The following STAC variants were observed in gnomAD, a reference collection of about 807,000 sequenced individuals.
The protein encoded by STAC is SH3 and cysteine rich domain.
In STAC, 43 loss-of-function variants were observed where a neutral mutation model predicts 48.8. That is an observed-to-expected ratio of 0.88 (90% CI 0.69 to 1.14). The LOEUF (loss-of-function observed/expected upper bound fraction) is 1.14. Among genes scored for constraint, STAC ranks in the 50% most tolerant of loss-of-function variants. The pLI is 0.00. For synonymous variants in STAC, 193 were observed against 179.5 expected, an observed-to-expected ratio of 1.07 and a Z score of -0.60; for missense variants, 497 against 504.0, an observed-to-expected ratio of 0.99 and a Z score of 0.13.
chr3:36,429,979 G>A (rs2125652113), intron 1 of STAC, among the ~76,000 whole-genome samples: 1 of 152,292 alleles, frequency 6.6e-6, no homozygotes, highest in Non-Finnish European at 1.5e-5. Context: ...AGGGAGATTA[G>A]CCTTGGTTAC....
At chr3:36,450,251 A>G (rs1223434056) in intron 2 of STAC, among the ~76,000 whole-genome samples, 2 of 152,262 alleles carry the variant, frequency 1.3e-5, no homozygotes, top group African/African-American at 4.8e-5. Context: ...AATGGGAAAA[A>G]AAATAGTTTG....
At chr3:36,421,304 T>G (rs1296849609) in intron 1 of STAC, among the ~76,000 whole-genome samples, 1 of 152,222 alleles carries the variant, frequency 6.6e-6, no homozygotes, top group African/African-American at 2.4e-5. Context: ...ATGAACTTAT[T>G]TAATTGTATA....
Position 36,393,186 on chromosome 3 carries a change from T to A in STAC, c.111+12432T>A, listed in dbSNP as rs532308729. On this transcript the variant is annotated intron_variant, in intron 1 of 10. Coordinates refer to ENST00000273183, the MANE Select transcript of STAC (RefSeq NM_003149.3). ...ACACCAGAGCATAAAATCCATTAAA[T>A]CAGTGAATTTACCCTCCTTTCATTA... Among the ~76,000 whole-genome samples, 34 of 152,278 alleles carry A rather than the reference T, an allele frequency of 2.2e-4. No individual in the cohort carries two copies. In the East Asian group the frequency reaches 4.3e-3, roughly 19 times the overall value.
chr3:36,420,269 T>C (rs1430117863), intron 1 of STAC, among the ~76,000 whole-genome samples: 1 of 152,234 alleles, frequency 6.6e-6, no homozygotes, highest in Non-Finnish European at 1.5e-5. Context: ...AAGACTCAAA[T>C]GCTAGTGTAA....
intron 1 of STAC, among the ~76,000 whole-genome samples, chr3:36,415,880 A>G (rs4678874): frequency 0.23 from 34,921 of 152,116 alleles, 4,233 homozygotes; most frequent in Admixed American, 0.25. Context: ...TCTGTTTCGG[A>G]GTTCTATGTT....
intron 10 of STAC, among the ~76,000 whole-genome samples, chr3:36,535,638 G>A (rs576197257): frequency 1.2e-4 from 18 of 152,282 alleles, no homozygotes; most frequent in Admixed American, 9.2e-4. Flanking sequence ...TTTGAGGTAC[G>A]TTCCTTCAAT....
intron 8 of STAC, among the ~76,000 whole-genome samples, chr3:36,514,973 G>A (rs559549492): frequency 7.9e-5 from 12 of 152,062 alleles, no homozygotes; most frequent in Non-Finnish European, 1.3e-4. Flanking sequence ...GGGAGGTGGA[G>A]GTTGCAGTGA....
At position 36,468,895 on chromosome 3, in the gene STAC, T is replaced by C. The variant is rs188255595; in HGVS notation, c.389-14097T>C. On this transcript the variant is annotated intron_variant, in intron 2 of 10. Transcript: ENST00000273183. The stretch of plus-strand genomic sequence containing the variant: ...GCTTTAAAGTTTGTTTTGTCTTATG[T>C]AAGAATAGCTACTCTTGCTCACTTT... 4.9e-4 allele frequency among the ~76,000 whole-genome samples: 74 copies of C among 152,038 alleles called. 1 individual carries two copies. Among genetic ancestry groups the C allele is most frequent in the African/African-American group, 1.7e-3 (71 of 41,502 alleles).
chr3:36,447,649 C>CCACACA lies in STAC; in HGVS notation c.388+4040_388+4045dup, dbSNP rs3061960. Among the ~76,000 whole-genome samples the CCACACA allele has an allele frequency of 5.3e-3, 780 of 146,410 alleles. 3 individuals carry two copies. Among genetic ancestry groups the CCACACA allele is most frequent in the African/African-American group, 0.012 (469 of 39,982 alleles). ...GAAAAACTATATATATGTATACACA[C>CCACACA]CACACACACACACACACACACACAC... On this transcript the variant is annotated intron_variant, in intron 2 of 10. Transcript: ENST00000273183.
At chr3:36,438,514 G>A (rs758206254) in intron 1 of STAC, among the ~76,000 whole-genome samples, 5 of 152,182 alleles carry the variant, frequency 3.3e-5, no homozygotes, top group Non-Finnish European at 5.9e-5. Context: ...GGGATAATTA[G>A]AGAAAGCATG....
At chr3:36,401,300 C>T (rs930577715) in intron 1 of STAC, among the ~76,000 whole-genome samples, 9 of 152,192 alleles carry the variant, frequency 5.9e-5, no homozygotes, top group African/African-American at 2.2e-4. Flanking sequence ...TGTTCATCCA[C>T]AGCATGAGCC....
chr3:36,504,343 T>C, intron 6 of STAC, 50 bp from the exon 7 acceptor site: 2 of 1,514,120 alleles, frequency 1.3e-6, no homozygotes, highest in Non-Finnish European at 1.8e-6. Flanking sequence ...AATATTTGTT[T>C]AAATGGTAAC....
At chr3:36,446,114 G>A (rs1277439832) in intron 2 of STAC, among the ~76,000 whole-genome samples, 1 of 152,178 alleles carries the variant, frequency 6.6e-6, no homozygotes, top group Non-Finnish European at 1.5e-5. Flanking sequence ...CTTGATGCCT[G>A]AAACTGCTAC....
chr3:36,476,944 G>C (rs1697509653), intron 2 of STAC, among the ~76,000 whole-genome samples: 1 of 152,120 alleles, frequency 6.6e-6, no homozygotes, highest in South Asian at 2.1e-4. Flanking sequence ...GGTGGACGTT[G>C]AGAGGAGTCC....
intron 8 of STAC, among the ~76,000 whole-genome samples, chr3:36,525,658 A>C (rs1009299764): frequency 6.6e-6 from 1 of 152,300 alleles, no homozygotes; most frequent in South Asian, 2.1e-4. Flanking sequence ...TTCTTAGGTT[A>C]CTGGTTTAAA....
intron 1 of STAC, among the ~76,000 whole-genome samples, chr3:36,398,324 AAAG>A (rs1559476871): frequency 5.3e-4 from 51 of 95,632 alleles, no homozygotes; most frequent in East Asian, 9.0e-4. Flanking sequence ...AGAAAGCAAG[AAAG>A]AAAGAAAGAA....
At chr3:36,486,085 G>A (rs1278866960) in intron 4 of STAC, 49 bp from the exon 5 acceptor site, 1 of 1,451,016 alleles carries the variant, frequency 6.9e-7, no homozygotes, top group African/African-American at 1.4e-5. Flanking sequence ...GCAGTTGGCT[G>A]GGTCCTCTCA....
At chr3:36,419,028 C>CG (rs1443311772) in intron 1 of STAC, among the ~76,000 whole-genome samples, 1 of 137,590 alleles carries the variant, frequency 7.3e-6, no homozygotes, top group Admixed American at 8.1e-5. Context: ...GCCTGGGCAA[C>CG]GAGAGTGAAA....
chr3:36,531,836 G>C (rs548873007), intron 10 of STAC, among the ~76,000 whole-genome samples: 3 of 151,930 alleles, frequency 2.0e-5, no homozygotes, highest in Non-Finnish European at 4.4e-5. Context: ...TAGGAGAGAG[G>C]GCAGATATCT....
Sources: gnomAD v4.1 joint callset for allele counts (sites outside exome capture counted in the v4.1 genomes callset) on GRCh38, gnomAD v4.1.1 for gene constraint, MANE v1.5 for transcripts, NCBI Gene and HGNC (gene_info 2026-07-23, HGNC 2026-07-21) for gene names.